Variants in CDK14 observed in about 807,000 individuals in gnomAD.
CDK14 encodes the protein cyclin dependent kinase 14, also known as cyclin-dependent kinase 14.
In CDK14, 34 loss-of-function variants were observed where a neutral mutation model predicts 60.7. The observed-to-expected ratio is 0.56, with a 90% CI of 0.43 to 0.75. The LOEUF (loss-of-function observed/expected upper bound fraction) is 0.75, where lower values mean the gene tolerates loss of function less well. Ranked by LOEUF, CDK14 falls within the 30% of genes least tolerant of loss-of-function variation. The pLI is 0.00. For synonymous variants in CDK14, 197 were observed against 203.7 expected (o/e 0.97, Z 0.28); for missense variants, 482 against 564.1 (o/e 0.85, Z 1.47).
rs1231298122 is a variant in CDK14 at position 90,715,008 on chromosome 7, T to C, written c.124-11559T>C. 2.0e-5 allele frequency among the ~76,000 whole-genome samples: 3 copies of C among 152,058 alleles called. No individual in the cohort carries two copies. The East Asian group carries it at 5.8e-4, about 29-fold the overall frequency. ...TTTTAAACGCTGTTCATATGGTTAC[T>C]GGGGGAAAGAATTCAGATCCTAAAG... On this transcript the variant is annotated intron_variant, in intron 2 of 14. Coordinates refer to ENST00000380050, the MANE Select transcript of CDK14 (RefSeq NM_001287135.2).
intron 5 of CDK14, among the ~76,000 whole-genome samples, chr7:90,804,018 A>C (rs1788737817): frequency 6.6e-6 from 1 of 152,218 alleles, no homozygotes; most frequent in Non-Finnish European, 1.5e-5. Context: ...ATGAATGAAT[A>C]AGCTCCCATG....
chr7:90,711,789 G>A (rs1423332942), intron 2 of CDK14, among the ~76,000 whole-genome samples: 3 of 151,586 alleles, frequency 2.0e-5, no homozygotes, highest in Non-Finnish European at 4.4e-5. Flanking sequence ...TTTTAAAAAA[G>A]CATTTTTTGG....
At chr7:90,632,366 G>T (rs1426347680) in intron 2 of CDK14, 3 of 308,610 alleles carry the variant, frequency 9.7e-6, no homozygotes, top group South Asian at 3.3e-5. Flanking sequence ...TCAGTGCTGT[G>T]GGTGGTAATT....
intron 7 of CDK14, among the ~76,000 whole-genome samples, chr7:90,899,712 G>A (rs113304909): frequency 7.1e-4 from 108 of 152,182 alleles, no homozygotes; most frequent in African/African-American, 2.3e-3. Flanking sequence ...TCAACATAAA[G>A]CATCATTATG....
chr7:91,061,777 G>T (rs957605605), intron 11 of CDK14, among the ~76,000 whole-genome samples: 29 of 152,222 alleles, frequency 1.9e-4, no homozygotes, highest in Non-Finnish European at 2.9e-5. Context: ...TCTCAGAGGA[G>T]TACCCGGCCT....
chr7:90,933,574 T>C (rs1024296726), intron 8 of CDK14, among the ~76,000 whole-genome samples: 1 of 152,208 alleles, frequency 6.6e-6, no homozygotes, highest in African/African-American at 2.4e-5. Context: ...TTTATATCAC[T>C]AACTATATTG....
In CDK14 at chr7:90,863,282, A is replaced by G. The variant is rs1039523175; in HGVS notation, c.639+13A>G. On this transcript the variant is annotated intron_variant, in intron 6 of 14. Coordinates refer to ENST00000380050, the MANE Select transcript of CDK14 (RefSeq NM_001287135.2). ...GTTTGAATATGTGGTAAGTAAAATA[A>G]GACTTTTAAATTTAGACATTTAAAA... The G allele has an allele frequency of 8.3e-6, 12 of 1,453,086 alleles. No individual in the cohort carries two copies. The African/African-American group carries it at 9.9e-5, about 12-fold the overall frequency. 90.0% of individuals were successfully genotyped at this position (1,453,086 alleles called of 1,614,324 possible).
chr7:90,942,551 G>C (rs1793967164), intron 8 of CDK14, among the ~76,000 whole-genome samples: 1 of 152,074 alleles, frequency 6.6e-6, no homozygotes, highest in South Asian at 2.1e-4. Flanking sequence ...GGGCTTTATT[G>C]GTCCATTTCT....
chr7:90,649,142 T>C (rs1327386881), intron 2 of CDK14, among the ~76,000 whole-genome samples: 1 of 152,166 alleles, frequency 6.6e-6, no homozygotes, highest in Non-Finnish European at 1.5e-5. Context: ...GAGACACTGG[T>C]GGAGAACTGA....
At chr7:90,719,223 C>A (rs1355577824) in intron 2 of CDK14, among the ~76,000 whole-genome samples, 1 of 152,126 alleles carries the variant, frequency 6.6e-6, no homozygotes, top group Non-Finnish European at 1.5e-5. Flanking sequence ...TAGCTACAGC[C>A]TGACGCATGA....
chr7:91,041,097 A>T (rs1797077038), intron 10 of CDK14, among the ~76,000 whole-genome samples: 1 of 151,094 alleles, frequency 6.6e-6, no homozygotes. Flanking sequence ...CACCTGGAGG[A>T]GTGAGTATGG....
chr7:90,698,067 CAAAAA>C (rs71104484), intron 2 of CDK14, among the ~76,000 whole-genome samples: 16,797 of 75,428 alleles, frequency 0.22, 768 homozygotes, highest in South Asian at 0.3. Flanking sequence ...GACTCTGTCT[CAAAAA>C]AAAAAAAAAA....
intron 10 of CDK14, among the ~76,000 whole-genome samples, chr7:91,024,769 A>T (rs1796529312): frequency 6.6e-6 from 1 of 152,172 alleles, no homozygotes; most frequent in Admixed American, 6.5e-5. Context: ...GCAGACCTGG[A>T]CCCAAACCTA....
intron 14 of CDK14, among the ~76,000 whole-genome samples, chr7:91,182,274 G>GTA (rs1457441660): frequency 2.0e-5 from 3 of 151,936 alleles, no homozygotes; most frequent in Non-Finnish European, 4.4e-5. Context: ...GAAATATACT[G>GTA]TATAATCTAA....
intron 10 of CDK14, among the ~76,000 whole-genome samples, chr7:91,031,988 C>T (rs1796775050): frequency 6.6e-6 from 1 of 152,124 alleles, no homozygotes; most frequent in African/African-American, 2.4e-5. Context: ...ATAAGCCTCT[C>T]TTTGTGAGTC....
In CDK14 at chr7:90,917,717, A is replaced by G. The variant is rs368500952; in HGVS notation, c.819A>G (p.Ala273=). ...GTGACACGGGGGAGTTAAAGCTGGCAGATTTCGGTAGGAAAGCAGTTAATT... is the reference window on the plus strand; with the variant it reads ...GTGACACGGGGGAGTTAAAGCTGGCGGATTTCGGTAGGAAAGCAGTTAATT... ...LISDTGELKL[A]DFGLARAKSV... is the part of the protein sequence containing the mutation. Residue 273 remains alanine, a synonymous_variant, in exon 8 of 15, where the codon GCA becomes GCG. Transcript: ENST00000380050. The G allele has an allele frequency of 3.2e-5, 51 of 1,612,684 alleles. No individual in the cohort carries two copies. Among genetic ancestry groups the G allele is most frequent in the Non-Finnish European group, 3.5e-5 (41 of 1,179,110 alleles).
chr7:90,760,272 A>C (rs752468854), intron 4 of CDK14, among the ~76,000 whole-genome samples: 2 of 152,160 alleles, frequency 1.3e-5, no homozygotes, highest in Non-Finnish European at 2.9e-5. Flanking sequence ...GCAGTTAACC[A>C]CCTTTTCACA....
Position 91,141,799 on chromosome 7 carries a change from T to TTTGTTGTTGTTG in CDK14, c.*28+23607_*28+23618dup, listed in dbSNP as rs10654091. Among the ~76,000 whole-genome samples, 9 of 150,088 alleles carry TTTGTTGTTGTTG rather than the reference T, an allele frequency of 6.0e-5. No individual in the cohort carries two copies. In the South Asian group the frequency reaches 1.1e-3, roughly 18 times the overall value. On this transcript the variant is annotated intron_variant, in intron 14 of 14. Coordinates refer to ENST00000380050, the MANE Select transcript of CDK14 (RefSeq NM_001287135.2). ...CTAGGATTTGCCTAAAACAGTGGGTTTTGTTGTTGTTGTTGTTGTTGTTGT... is the reference window on the plus strand; with the variant it reads ...CTAGGATTTGCCTAAAACAGTGGGTTTTGTTGTTGTTGTTGTTGTTGTTGTTGTTGTTGTTGT...
At chr7:91,037,501 A>G (rs1294670517) in intron 10 of CDK14, among the ~76,000 whole-genome samples, 1 of 152,176 alleles carries the variant, frequency 6.6e-6, no homozygotes, top group Non-Finnish European at 1.5e-5. Flanking sequence ...ACCTCCTTCT[A>G]GGGTGTGGTC....
Sources: gnomAD v4.1 joint callset for allele counts (sites outside exome capture counted in the v4.1 genomes callset) on GRCh38, gnomAD v4.1.1 for gene constraint, MANE v1.5 for transcripts, NCBI Gene and HGNC (gene_info 2026-07-23, HGNC 2026-07-21) for gene names.